Variants in SHISA9 observed in about 807,000 individuals in gnomAD.
SHISA9 encodes shisa family member 9.
A neutral mutation model predicts 38.0 loss-of-function variants in SHISA9; 13 were observed. That is an observed-to-expected ratio of 0.34 (90% CI 0.22 to 0.54). The LOEUF is 0.54. Among genes scored for constraint, SHISA9 ranks in the 20% least tolerant of loss-of-function variants. The probability of loss-of-function intolerance (pLI) is 0.91; values close to 1 mark genes in which losing one functional copy is unlikely to be tolerated. For synonymous variants in SHISA9, 275 were observed against 242.0 expected (o/e 1.14, Z -1.27); for missense variants, 538 against 575.8 (o/e 0.93, Z 0.67).
the SHISA9 span, among the ~76,000 whole-genome samples, chr16:13,302,391 A>G: frequency 6.6e-6 from 1 of 152,178 alleles, no homozygotes; most frequent in Admixed American, 6.5e-5. Flanking sequence ...GATAAGCTTT[A>G]CTAACTCTGA....
At chr16:13,322,937 G>A in the SHISA9 span, among the ~76,000 whole-genome samples, 10 of 152,046 alleles carry the variant, frequency 6.6e-5, no homozygotes, top group African/African-American at 1.2e-4. Flanking sequence ...TTCATGTCAC[G>A]TCCAGTACCT....
At chr16:13,162,791 G>T (rs2050606502) in intron 2 of SHISA9, among the ~76,000 whole-genome samples, 1 of 151,726 alleles carries the variant, frequency 6.6e-6, no homozygotes, top group South Asian at 2.1e-4. Flanking sequence ...AATTGCTAGT[G>T]TTCTGGAAAG....
chr16:13,262,457 A>G, the SHISA9 span, among the ~76,000 whole-genome samples: 4 of 152,174 alleles, frequency 2.6e-5, no homozygotes, highest in African/African-American at 9.7e-5. Context: ...CTATATCAGA[A>G]GGCTTATCAG....
At chr16:13,562,585 A>T in the SHISA9 span, 2 of 146,926 alleles carry the variant, frequency 1.4e-5, no homozygotes, top group African/African-American at 5.0e-5. Flanking sequence ...AGTCAAGATC[A>T]TGCTGCTGCA....
intron 2 of SHISA9, among the ~76,000 whole-genome samples, chr16:13,090,637 T>C (rs2073764742): frequency 6.6e-6 from 1 of 152,228 alleles, no homozygotes; most frequent in African/African-American, 2.4e-5. Context: ...TGCTGTTTTT[T>C]TGCTTTCCAT....
At chr16:13,189,514 A>T (rs1440156453) in intron 2 of SHISA9, among the ~76,000 whole-genome samples, 1 of 152,226 alleles carries the variant, frequency 6.6e-6, no homozygotes, top group Non-Finnish European at 1.5e-5. Flanking sequence ...TAGAATTGTT[A>T]TACTTAGAGA....
the SHISA9 span, among the ~76,000 whole-genome samples, chr16:13,530,759 T>C: frequency 1.3e-5 from 2 of 152,124 alleles, no homozygotes; most frequent in Admixed American, 1.3e-4. Context: ...GGTCGGCAGA[T>C]GCTTGCGGGA....
At chr16:12,961,369 T>C (rs1452414277) in intron 2 of SHISA9, among the ~76,000 whole-genome samples, 1 of 151,864 alleles carries the variant, frequency 6.6e-6, no homozygotes, top group Non-Finnish European at 1.5e-5. Context: ...TTGACGGCAA[T>C]GGAGATCCAT....
chr16:13,483,177 G>T, the SHISA9 span, among the ~76,000 whole-genome samples: 2 of 152,120 alleles, frequency 1.3e-5, no homozygotes, highest in Non-Finnish European at 2.9e-5. Flanking sequence ...GATGCGTGGG[G>T]GTGTGAACAA....
chr16:13,522,910 G>T, the SHISA9 span, among the ~76,000 whole-genome samples: 443 of 152,258 alleles, frequency 2.9e-3, 6 homozygotes, highest in African/African-American at 0.01. Flanking sequence ...TATATTACAG[G>T]TATGGACAGA....
At chr16:13,052,043 G>A (rs945499207) in intron 2 of SHISA9, among the ~76,000 whole-genome samples, 4 of 152,164 alleles carry the variant, frequency 2.6e-5, no homozygotes, top group Admixed American at 1.3e-4. Flanking sequence ...GATTATAGGC[G>A]TCAACCACTG....
intron 3 of SHISA9, among the ~76,000 whole-genome samples, chr16:13,207,068 G>A (rs1176925094): frequency 6.6e-6 from 1 of 152,100 alleles, no homozygotes; most frequent in East Asian, 1.9e-4. Flanking sequence ...GTTGAAGACC[G>A]GCTTGGCCAA....
At chr16:13,407,562 T>C in the SHISA9 span, among the ~76,000 whole-genome samples, 1 of 152,226 alleles carries the variant, frequency 6.6e-6, no homozygotes, top group Admixed American at 6.5e-5. Context: ...ATGAACACTG[T>C]TGGTTTCCTA....
At chr16:13,042,167 AAC>A (rs1304560007) in intron 2 of SHISA9, among the ~76,000 whole-genome samples, 6 of 152,144 alleles carry the variant, frequency 3.9e-5, no homozygotes, top group Non-Finnish European at 8.8e-5. Context: ...CAGTCTGCAA[AAC>A]ACAGTGGCCA....
chr16:12,953,097 TG>T (rs1289042804), intron 2 of SHISA9, among the ~76,000 whole-genome samples: 3 of 151,488 alleles, frequency 2.0e-5, no homozygotes, highest in Non-Finnish European at 4.4e-5. Context: ...AGGTGATGTG[TG>T]TGGGATGTCT....
chr16:13,003,467 T>C (rs1274204610), intron 2 of SHISA9, among the ~76,000 whole-genome samples: 1 of 152,206 alleles, frequency 6.6e-6, no homozygotes, highest in Non-Finnish European at 1.5e-5. Flanking sequence ...GTTTTGGCCA[T>C]GTGCAAAAAC....
the SHISA9 span, among the ~76,000 whole-genome samples, chr16:13,469,888 A>C: frequency 6.6e-6 from 1 of 152,214 alleles, no homozygotes; most frequent in Non-Finnish European, 1.5e-5. Context: ...TAAAGAGTAC[A>C]TGGTACCATT....
At chr16:13,005,791 G>T (rs1379813957) in intron 2 of SHISA9, among the ~76,000 whole-genome samples, 1 of 152,146 alleles carries the variant, frequency 6.6e-6, no homozygotes. Flanking sequence ...AGTGAATATT[G>T]GTGAGGGTAA....
At chr16:13,417,276 T>C in the SHISA9 span, among the ~76,000 whole-genome samples, 392 of 152,326 alleles carry the variant, frequency 2.6e-3, 5 homozygotes, top group African/African-American at 7.8e-3. Context: ...TTTTATGATA[T>C]GTTTTGTCAC....
Sources: gnomAD v4.1 joint callset for allele counts (sites outside exome capture counted in the v4.1 genomes callset) on GRCh38, gnomAD v4.1.1 for gene constraint, MANE v1.5 for transcripts, NCBI Gene and HGNC (gene_info 2026-07-23, HGNC 2026-07-21) for gene names.